NALCN: variants seen among roughly 807,000 people sequenced by gnomAD.
NALCN encodes sodium leak channel NALCN.
A neutral mutation model predicts 225.3 loss-of-function variants in NALCN; 111 were observed. That is an observed-to-expected ratio of 0.49 (90% confidence interval 0.42 to 0.58). The LOEUF (loss-of-function observed/expected upper bound fraction) is 0.58, where lower values mean the gene tolerates loss of function less well. NALCN is among the 20% of genes least tolerant of loss of function. The pLI is 0.00. For missense variants in NALCN, 1,378 were observed against 2,202.4 expected, an observed-to-expected ratio of 0.63 and a Z score of 7.49; for synonymous variants, 764 against 769.0, an observed-to-expected ratio of 0.99 and a Z score of 0.11.
chr13:101,343,418 CA>C (rs2045619175), intron 7 of NALCN, among the ~76,000 whole-genome samples: 1 of 152,136 alleles, frequency 6.6e-6, no homozygotes, highest in Non-Finnish European at 1.5e-5. Flanking sequence ...CAGACAAAAT[CA>C]GGCAAAAGAA....
intron 11 of NALCN, among the ~76,000 whole-genome samples, chr13:101,241,796 C>G (rs1418858630): frequency 1.4e-4 from 5 of 36,192 alleles, no homozygotes; most frequent in Admixed American, 2.2e-4. Flanking sequence ...ATGATCCCAT[C>G]CTTTCCCTCT....
intron 7 of NALCN, among the ~76,000 whole-genome samples, chr13:101,310,317 A>T (rs1365277166): frequency 6.6e-6 from 1 of 152,102 alleles, no homozygotes; most frequent in Non-Finnish European, 1.5e-5. Context: ...TACCTTTCCA[A>T]TCGTATTCCC....
Position 101,083,753 on chromosome 13 carries a change from G to A in NALCN, c.3541C>T (p.Arg1181Ter), listed in dbSNP as rs751434431. ...DQRRWEDLKS[R>*]LKIAQPLHLP... ...TGAAGAGGCTGTGCGATCTTCAGTC[G>A]GCTCTTCAGGTCTTCCCATCTTCTC... The change falls in exon 31 of 44, where the codon CGA (arginine) becomes TGA (stop). Residue 1181 changes from arginine (R) to a stop codon, truncating the protein, a stop_gained. Transcript: ENST00000251127. LOFTEE classifies it high-confidence loss of function. 6.2e-7 allele frequency: 1 copy of A among 1,613,838 alleles called. No homozygotes were observed. The highest frequency in any genetic ancestry group is 8.5e-7 in the Non-Finnish European group (1 of 1,179,824).
At chr13:101,103,455 T>C (rs1206880721) in intron 25 of NALCN, 116 bp from the exon 26 acceptor site, 6 of 1,256,856 alleles carry the variant, frequency 4.8e-6, no homozygotes, top group African/African-American at 1.5e-5. Flanking sequence ...TCACTGGTTG[T>C]ACGTGCCATC....
chr13:101,318,305 T>C (rs1262150954), intron 7 of NALCN, among the ~76,000 whole-genome samples: 1 of 152,072 alleles, frequency 6.6e-6, no homozygotes, highest in Non-Finnish European at 1.5e-5. Flanking sequence ...CTGGCCATGG[T>C]GCACAGCCAG....
At chr13:101,179,215 C>T (rs576683443) in intron 14 of NALCN, among the ~76,000 whole-genome samples, 1 of 152,162 alleles carries the variant, frequency 6.6e-6, no homozygotes, top group Non-Finnish European at 1.5e-5. Flanking sequence ...ACAGGCTGTG[C>T]CAGCTATGAG....
chr13:101,232,076 T>C (rs866932349), intron 12 of NALCN, among the ~76,000 whole-genome samples: 8 of 151,774 alleles, frequency 5.3e-5, no homozygotes, highest in African/African-American at 1.7e-4. Context: ...GGGAGCCATC[T>C]TTGCCTTCAC....
chr13:101,239,612 A>G (rs2041685380), intron 11 of NALCN, among the ~76,000 whole-genome samples: 1 of 151,936 alleles, frequency 6.6e-6, no homozygotes, highest in South Asian at 2.1e-4. Flanking sequence ...CATTTTCTCT[A>G]CTAATTCATT....
chr13:101,257,025 A>C (rs2042254342), intron 11 of NALCN, among the ~76,000 whole-genome samples: 1 of 152,210 alleles, frequency 6.6e-6, no homozygotes, highest in Non-Finnish European at 1.5e-5. Flanking sequence ...GGCCTCCCAA[A>C]GTTCTGGGAT....
intron 13 of NALCN, among the ~76,000 whole-genome samples, chr13:101,209,431 G>A (rs2040441296): frequency 6.6e-6 from 1 of 152,112 alleles, no homozygotes; most frequent in African/African-American, 2.4e-5. Context: ...GGGATTCTGG[G>A]AAACATGAGT....
chr13:101,212,136 A>G (rs1046354695), intron 13 of NALCN, among the ~76,000 whole-genome samples: 3 of 151,996 alleles, frequency 2.0e-5, no homozygotes, highest in African/African-American at 4.8e-5. Flanking sequence ...CCATGTCTCT[A>G]ATTTACTCAT....
intron 1 of NALCN, among the ~76,000 whole-genome samples, chr13:101,412,939 T>C (rs1401198056): frequency 6.6e-6 from 1 of 152,220 alleles, no homozygotes; most frequent in Non-Finnish European, 1.5e-5. Context: ...TTTTATAGTA[T>C]TCCTATTTTG....
In NALCN at chr13:101,103,289, C is replaced by T. The variant is rs1328545469; in HGVS notation, c.2940G>A (p.Ser980=). The T allele has an allele frequency of 4.3e-6, 7 of 1,613,666 alleles. No individual in the cohort carries two copies. Among genetic ancestry groups the T allele is most frequent in the African/African-American group, 1.3e-5 (1 of 74,906 alleles). ...GAAGGACCATTAGAAGCTGAGCTCC[C>T]GATTCAGCAGGTACATTTTGAGGCA... is the stretch of plus-strand genomic sequence containing the variant. ...CWMPQNVPAE[S]GAQLLMVLRC... is the part of the protein sequence containing the mutation. Residue 980 remains serine, a synonymous_variant, in exon 26 of 44, where the codon TCG becomes TCA. Transcript: ENST00000251127.
intron 15 of NALCN, among the ~76,000 whole-genome samples, chr13:101,151,820 C>G (rs971097266): frequency 3.3e-5 from 5 of 152,192 alleles, no homozygotes; most frequent in African/African-American, 1.2e-4. Context: ...AATGATCACA[C>G]ATGTTGGTTT....
At chr13:101,397,526 CAT>C (rs776360915) in intron 2 of NALCN, among the ~76,000 whole-genome samples, 51 of 150,648 alleles carry the variant, frequency 3.4e-4, no homozygotes, top group Non-Finnish European at 6.5e-4. Context: ...GTTATATACA[CAT>C]GATATTTATA....
At chr13:101,263,436 T>G (rs2042498226) in intron 10 of NALCN, among the ~76,000 whole-genome samples, 1 of 152,242 alleles carries the variant, frequency 6.6e-6, no homozygotes, top group African/African-American at 2.4e-5. Context: ...AGCATAATGT[T>G]CTATTAGAAA....
intron 6 of NALCN, among the ~76,000 whole-genome samples, chr13:101,371,148 A>G (rs933095372): frequency 6.6e-6 from 1 of 152,222 alleles, no homozygotes; most frequent in African/African-American, 2.4e-5. Context: ...TAGTTTATCT[A>G]TCTGTTGATG....
At chr13:101,402,670 G>A (rs1248279116) in intron 1 of NALCN, among the ~76,000 whole-genome samples, 2 of 152,102 alleles carry the variant, frequency 1.3e-5, no homozygotes, top group Non-Finnish European at 2.9e-5. Context: ...GTGATCACCT[G>A]TTGTTACAGT....
chr13:101,257,326 T>C (rs1158409659), intron 11 of NALCN, among the ~76,000 whole-genome samples: 1 of 152,044 alleles, frequency 6.6e-6, no homozygotes, highest in African/African-American at 2.4e-5. Context: ...GTATTTTGTT[T>C]CAGGAGACAT....
Sources: allele counts gnomAD v4.1 joint callset (sites outside exome capture counted in the v4.1 genomes callset), GRCh38; gene constraint gnomAD v4.1.1; transcripts MANE v1.5; gene names NCBI Gene and HGNC (gene_info 2026-07-23, HGNC 2026-07-21).